DPP6: variants seen among roughly 807,000 people sequenced by gnomAD.
The protein encoded by DPP6 is dipeptidyl peptidase like 6.
DPP6 carries 69 observed loss-of-function variants against 122.6 expected under a neutral mutation model. The ratio of observed to expected loss-of-function variants is 0.56; its 90% CI spans 0.46 to 0.69. The LOEUF (loss-of-function observed/expected upper bound fraction) is 0.69. DPP6 is among the 30% of genes least tolerant of loss of function. The probability of loss-of-function intolerance (pLI) is 0.00; values close to 1 mark genes in which losing one functional copy is unlikely to be tolerated. For missense variants in DPP6, 928 were observed against 1,116.9 expected (o/e 0.83, Z 2.41); for synonymous variants, 418 against 433.1 (o/e 0.97, Z 0.43).
intron 1 of DPP6, among the ~76,000 whole-genome samples, chr7:154,146,771 AAAATACAGGGAGTGGGGAGTGG>A (rs1406134636): frequency 6.6e-6 from 1 of 152,210 alleles, no homozygotes; most frequent in Non-Finnish European, 1.5e-5. Flanking sequence ...AACACACTAT[AAAATACAGGGAGTGGGGAGTGG>A]GGTGGAGGGA....
rs577401358 is a variant in DPP6 at position 154,042,766 on chromosome 7, A to G, written c.51+155032A>G. On this transcript the variant is annotated intron_variant, in intron 1 of 25. Coordinates refer to the DPP6 transcript ENST00000404039. ...TTACATTTAGTGATTATTTTTCCTC[A>G]AAGACCAACGACTTCAATGGGAGAT... 1.4e-4 allele frequency among the ~76,000 whole-genome samples: 21 copies of G among 152,336 alleles called. No individual in the cohort carries two copies. In the East Asian group the frequency reaches 4.1e-3, roughly 29 times the overall value.
At chr7:154,478,502 A>T (rs529609953) in intron 3 of DPP6, among the ~76,000 whole-genome samples, 1 of 152,040 alleles carries the variant, frequency 6.6e-6, no homozygotes, top group Admixed American at 6.5e-5. Flanking sequence ...CATCTTCATT[A>T]TCTTCTGGGT....
chr7:154,113,194 ATAGT>A (rs1806719610), intron 1 of DPP6, among the ~76,000 whole-genome samples: 2 of 152,232 alleles, frequency 1.3e-5, no homozygotes, highest in South Asian at 4.1e-4. Flanking sequence ...GGAAGTGCAG[ATAGT>A]TCTTTGAGGT....
intron 5 of DPP6, among the ~76,000 whole-genome samples, chr7:154,623,550 GCACACACGCAACACGCACA>G (rs1834835422): frequency 6.6e-6 from 1 of 151,044 alleles, no homozygotes; most frequent in Non-Finnish European, 1.5e-5. Context: ...ACACACACAC[GCACACACGCAACACGCACA>G]CACACACGCA....
At chr7:154,528,377 A>C (rs1827578773) in intron 3 of DPP6, among the ~76,000 whole-genome samples, 1 of 152,220 alleles carries the variant, frequency 6.6e-6, no homozygotes. Flanking sequence ...GAGGCACAAA[A>C]GGTATAATTT....
chr7:154,171,492 C>T (rs1797532317), intron 1 of DPP6, among the ~76,000 whole-genome samples: 1 of 152,206 alleles, frequency 6.6e-6, no homozygotes, highest in Non-Finnish European at 1.5e-5. Flanking sequence ...GCACTGCCTC[C>T]TTCATGAGTC....
At chr7:154,073,245 T>A (rs1304975045) in intron 1 of DPP6, among the ~76,000 whole-genome samples, 1 of 152,246 alleles carries the variant, frequency 6.6e-6, no homozygotes, top group East Asian at 1.9e-4. Context: ...TTGTGGCTGC[T>A]TTCAGGCACC....
At chr7:153,801,369 A>G in the DPP6 span, among the ~76,000 whole-genome samples, 1 of 151,750 alleles carries the variant, frequency 6.6e-6, no homozygotes. Flanking sequence ...CTCCTTGCAC[A>G]TGCTCCACGT....
chr7:154,495,936 G>T (rs948137530), intron 3 of DPP6, among the ~76,000 whole-genome samples: 1 of 152,204 alleles, frequency 6.6e-6, no homozygotes, highest in Non-Finnish European at 1.5e-5. Flanking sequence ...AGAGCTGAGT[G>T]CTGTGGGCCT....
chr7:154,660,754 C>G (rs1438667340), intron 6 of DPP6, among the ~76,000 whole-genome samples: 5 of 15,176 alleles, frequency 3.3e-4, no homozygotes, highest in Admixed American at 5.8e-4. Flanking sequence ...GCGTATTGGC[C>G]GTAGTGTTCC....
At chr7:153,778,288 G>C in the DPP6 span, among the ~76,000 whole-genome samples, 3 of 151,848 alleles carry the variant, frequency 2.0e-5, no homozygotes, top group African/African-American at 7.3e-5. Flanking sequence ...GGTGGTATCC[G>C]TGTGAACTCA....
intron 1 of DPP6, among the ~76,000 whole-genome samples, chr7:154,439,943 G>T (rs11981748): frequency 0.02 from 3,067 of 152,270 alleles, 46 homozygotes; most frequent in African/African-American, 0.042. Context: ...GAGAGCCCTG[G>T]GAGAGCCTGA....
intron 5 of DPP6, among the ~76,000 whole-genome samples, chr7:154,631,578 A>G (rs1835410391): frequency 1.3e-5 from 2 of 152,058 alleles, no homozygotes; most frequent in African/African-American, 4.8e-5. Flanking sequence ...GAGGCAGGAG[A>G]ATCACTTGAG....
chr7:154,167,495 TC>T (rs1409487912), intron 1 of DPP6, among the ~76,000 whole-genome samples: 2 of 152,378 alleles, frequency 1.3e-5, no homozygotes, highest in South Asian at 2.1e-4. Context: ...AGGCAAATGA[TC>T]ATTTAGATCA....
chr7:153,811,910 G>A, the DPP6 span, among the ~76,000 whole-genome samples: 1 of 152,038 alleles, frequency 6.6e-6, no homozygotes, highest in Non-Finnish European at 1.5e-5. Flanking sequence ...TATTTTGAAT[G>A]AGCGTGCTGA....
chr7:154,874,580 C>T (rs941142738), intron 19 of DPP6, among the ~76,000 whole-genome samples: 1 of 152,236 alleles, frequency 6.6e-6, no homozygotes, highest in African/African-American at 2.4e-5. Flanking sequence ...CACCATGACT[C>T]ACCAGGACCC....
At chr7:153,802,174 C>T in the DPP6 span, among the ~76,000 whole-genome samples, 7 of 152,192 alleles carry the variant, frequency 4.6e-5, no homozygotes, top group African/African-American at 1.7e-4. Flanking sequence ...ACACCTAAAT[C>T]TAAATGCCAT....
intron 20 of DPP6, among the ~76,000 whole-genome samples, chr7:154,879,588 C>CAA (rs778157355): frequency 0.013 from 546 of 40,572 alleles, 25 homozygotes; most frequent in African/African-American, 0.035. Context: ...GACTCCGTCT[C>CAA]AAAAAAAAAA....
intron 9 of DPP6, among the ~76,000 whole-genome samples, chr7:154,772,346 C>T (rs1587091209): frequency 6.6e-6 from 1 of 152,104 alleles, no homozygotes; most frequent in Admixed American, 6.5e-5. Flanking sequence ...AAAGAGGAAG[C>T]CCCACATCTC....
Sources: gnomAD v4.1 joint callset for allele counts (sites outside exome capture counted in the v4.1 genomes callset) on GRCh38, gnomAD v4.1.1 for gene constraint, MANE v1.5 for transcripts, NCBI Gene and HGNC (gene_info 2026-07-23, HGNC 2026-07-21) for gene names.